The following ATP6V1H variants were observed in gnomAD, a reference collection of about 807,000 sequenced individuals.
The protein encoded by ATP6V1H is V-type proton ATPase subunit H.
A neutral mutation model predicts 71.7 loss-of-function variants in ATP6V1H; 39 were observed. The ratio of observed to expected loss-of-function variants is 0.54; its 90% confidence interval spans 0.42 to 0.71. ATP6V1H has a LOEUF of 0.71. Among genes scored for constraint, ATP6V1H ranks in the 30% least tolerant of loss-of-function variants. The pLI is 0.00. For synonymous variants in ATP6V1H, 192 were observed against 199.3 expected (o/e 0.96, Z 0.31); for missense variants, 509 against 594.9 (o/e 0.86, Z 1.50).
At chr8:53,758,814 A>G (rs2130264821) in intron 11 of ATP6V1H, among the ~76,000 whole-genome samples, 1 of 152,390 alleles carries the variant, frequency 6.6e-6, no homozygotes, top group Non-Finnish European at 1.5e-5. Context: ...GAACACAGCC[A>G]GGCTCATTAG....
rs192866948 is a variant in ATP6V1H at position 53,722,771 on chromosome 8, A to C, written c.1392-6747T>G. Reference sequence around the variant, plus strand: ...TGTGCTGCAACAGCAGTAGAGACAAAGTCTTCAGCAGTTAAACCTACCAAC... The same window carrying C: ...TGTGCTGCAACAGCAGTAGAGACAACGTCTTCAGCAGTTAAACCTACCAAC... On this transcript the variant is annotated intron_variant, in intron 13 of 13. Transcript: ENST00000359530. 2.3e-3 allele frequency among the ~76,000 whole-genome samples: 346 copies of C among 152,308 alleles called. 2 individuals carry two copies. Among genetic ancestry groups the C allele is most frequent in the African/African-American group, 8.1e-3 (335 of 41,572 alleles).
chr8:53,745,260 G>T (rs1410605561), intron 12 of ATP6V1H, among the ~76,000 whole-genome samples: 1 of 152,056 alleles, frequency 6.6e-6, no homozygotes, highest in Non-Finnish European at 1.5e-5. Context: ...AATTAGCCAG[G>T]CATGGTGGTG....
chr8:53,761,753 T>C (rs1290589920), intron 11 of ATP6V1H, among the ~76,000 whole-genome samples: 4 of 152,210 alleles, frequency 2.6e-5, no homozygotes, highest in Non-Finnish European at 2.9e-5. Context: ...TTTTCAGTAA[T>C]ACACAGAAAA....
At chr8:53,805,867 G>C (rs556688082) in intron 7 of ATP6V1H, among the ~76,000 whole-genome samples, 10 of 152,152 alleles carry the variant, frequency 6.6e-5, no homozygotes, top group Non-Finnish European at 1.5e-4. Context: ...TATTAAGCAA[G>C]AGAGCTCAGA....
intron 9 of ATP6V1H, among the ~76,000 whole-genome samples, chr8:53,776,189 C>T (rs1808882492): frequency 6.6e-6 from 1 of 152,172 alleles, no homozygotes; most frequent in Non-Finnish European, 1.5e-5. Flanking sequence ...CCGGCTGCTC[C>T]GAGTTTGGGG....
intron 12 of ATP6V1H, among the ~76,000 whole-genome samples, chr8:53,753,307 G>A (rs1482334025): frequency 2.6e-5 from 4 of 152,170 alleles, no homozygotes; most frequent in African/African-American, 9.6e-5. Context: ...GGCCAAAAAA[G>A]ACTATTTTAG....
At chr8:53,784,943 C>T (rs1160000926) in intron 9 of ATP6V1H, among the ~76,000 whole-genome samples, 8 of 152,170 alleles carry the variant, frequency 5.3e-5, no homozygotes, top group East Asian at 1.9e-4. Flanking sequence ...GTGGGTAACC[C>T]GACCTTTCTC....
intron 11 of ATP6V1H, among the ~76,000 whole-genome samples, chr8:53,769,329 T>A (rs564944907): frequency 6.6e-6 from 1 of 151,888 alleles, no homozygotes; most frequent in East Asian, 1.9e-4. Flanking sequence ...TGCAACAGAG[T>A]GGGGACAAAA....
intron 9 of ATP6V1H, among the ~76,000 whole-genome samples, chr8:53,781,110 C>T (rs1292455807): frequency 7.2e-5 from 11 of 152,162 alleles, no homozygotes; most frequent in Admixed American, 1.3e-4. Flanking sequence ...CCTCAGGAAT[C>T]GCCACACTGA....
chr8:53,811,319 G>A (rs1810267469), intron 6 of ATP6V1H, 102 bp from the exon 7 acceptor site: 1 of 908,008 alleles, frequency 1.1e-6, no homozygotes, highest in Non-Finnish European at 1.7e-6. Context: ...CTAATTCTAT[G>A]TAATAATTTT....
At chr8:53,791,251 G>C (rs1011975931) in intron 9 of ATP6V1H, among the ~76,000 whole-genome samples, 18 of 152,184 alleles carry the variant, frequency 1.2e-4, no homozygotes, top group Admixed American at 2.0e-4. Context: ...ACAGAATAAA[G>C]TGCTAAAACT....
At chr8:53,780,874 C>T (rs1252424864) in intron 9 of ATP6V1H, among the ~76,000 whole-genome samples, 3 of 152,306 alleles carry the variant, frequency 2.0e-5, no homozygotes, top group South Asian at 2.1e-4. Flanking sequence ...ATGAACTCAT[C>T]ATTTTTTATG....
intron 9 of ATP6V1H, among the ~76,000 whole-genome samples, chr8:53,773,828 T>C (rs1009064489): frequency 6.6e-6 from 1 of 152,074 alleles, no homozygotes; most frequent in Non-Finnish European, 1.5e-5. Context: ...ACTTATAAAT[T>C]ATTTAAAAAG....
intron 13 of ATP6V1H, among the ~76,000 whole-genome samples, chr8:53,741,646 A>C (rs1807416972): frequency 6.6e-6 from 1 of 152,224 alleles, no homozygotes; most frequent in Non-Finnish European, 1.5e-5. Context: ...GCTTGGGGTA[A>C]AGTGAAGTAA....
At chr8:53,811,539 T>C (rs1486006963) in intron 6 of ATP6V1H, among the ~76,000 whole-genome samples, 1 of 152,202 alleles carries the variant, frequency 6.6e-6, no homozygotes, top group African/African-American at 2.4e-5. Context: ...TACTGAATTG[T>C]TTTTCCAGTA....
At chr8:53,772,792 T>C (rs1338914324) in intron 9 of ATP6V1H, among the ~76,000 whole-genome samples, 2 of 151,656 alleles carry the variant, frequency 1.3e-5, no homozygotes, top group Non-Finnish European at 2.9e-5. Context: ...AATTAAGCAA[T>C]GTTTCTGAGT....
chr8:53,836,796 T>C (rs1277708231), intron 2 of ATP6V1H, among the ~76,000 whole-genome samples: 3 of 152,200 alleles, frequency 2.0e-5, no homozygotes, highest in Non-Finnish European at 4.4e-5. Context: ...TATATAATCA[T>C]GCACATGTTA....
At chr8:53,747,503 AAAG>A (rs1807646287) in intron 12 of ATP6V1H, among the ~76,000 whole-genome samples, 1 of 151,840 alleles carries the variant, frequency 6.6e-6, no homozygotes, top group Admixed American at 6.6e-5. Context: ...TTACCTGACT[AAAG>A]GAGGAATAAA....
chr8:53,802,390 C>T (rs746471519), intron 7 of ATP6V1H, among the ~76,000 whole-genome samples: 2 of 152,186 alleles, frequency 1.3e-5, no homozygotes, highest in Admixed American at 6.5e-5. Flanking sequence ...ATGAGAAAAA[C>T]ACTGCCAAGC....
Sources: gnomAD v4.1 joint callset for allele counts (sites outside exome capture counted in the v4.1 genomes callset) on GRCh38, gnomAD v4.1.1 for gene constraint, MANE v1.5 for transcripts, NCBI Gene and HGNC (gene_info 2026-07-23, HGNC 2026-07-21) for gene names.